The following MCRIP1 variants were observed in gnomAD, a reference collection of about 807,000 sequenced individuals.
MCRIP1 encodes mapk-regulated corepressor-interacting protein 1.
A neutral mutation model predicts 14.4 loss-of-function variants in MCRIP1; 10 were observed. That is an observed-to-expected ratio of 0.70 (90% CI 0.43 to 1.18). MCRIP1 has a LOEUF of 1.18. Ranked by LOEUF, MCRIP1 falls within the 50% of genes most tolerant of loss-of-function variation. The pLI, the probability that MCRIP1 is intolerant of heterozygous loss-of-function variation, is 0.00. For synonymous variants in MCRIP1, 53 were observed against 55.7 expected, an observed-to-expected ratio of 0.95 and a Z score of 0.21; for missense variants, 119 against 135.4, an observed-to-expected ratio of 0.88 and a Z score of 0.60.
chr17:81,830,406 G>A (rs925244541), intron 1 of MCRIP1, among the ~76,000 whole-genome samples: 37 of 152,334 alleles, frequency 2.4e-4, no homozygotes, highest in Admixed American at 2.4e-3. Flanking sequence ...GGAGGCTGAG[G>A]TGGGCAGATC....
intron 1 of MCRIP1, 25 bp from the exon 2 acceptor site, chr17:81,824,579 T>C (rs1242197981): frequency 1.3e-6 from 2 of 1,535,762 alleles, no homozygotes; most frequent in East Asian, 2.4e-5. Flanking sequence ...AGCGCAGGCA[T>C]GGGACGCAGG....
chr17:81,827,925 C>T (rs538038063), intron 1 of MCRIP1, among the ~76,000 whole-genome samples: 11 of 149,966 alleles, frequency 7.3e-5, no homozygotes, highest in South Asian at 2.1e-4. Context: ...GGACTATAGG[C>T]GCCCGCCACC....
rs544013875 is a variant in MCRIP1 at position 81,823,204 on chromosome 17, C to T, written c.*43G>A. 28 of 1,527,916 alleles carry T rather than the reference C, an allele frequency of 1.8e-5. No individual in the cohort carries two copies. In the South Asian group the frequency reaches 3.0e-4, roughly 16 times the overall value. The allele number at this position is 1,527,916 out of a possible 1,614,324, so 94.6% of individuals were successfully genotyped here. ...ACAGGACAGGAGGGAACCGACACCTCGCACCCTGATCTTCCGGAGGCCGGG... is the reference window on the plus strand; with the variant it reads ...ACAGGACAGGAGGGAACCGACACCTTGCACCCTGATCTTCCGGAGGCCGGG... On this transcript the variant is annotated 3_prime_UTR_variant, in exon 5 of 5. Coordinates refer to ENST00000455127, the MANE Select transcript of MCRIP1 (RefSeq NM_207368.5). The surrounding 1 kb of genome is among the most constrained non-coding windows in gnomAD (Gnocchi z 6.0).
At chr17:81,827,579 C>A (rs1308450690) in intron 1 of MCRIP1, among the ~76,000 whole-genome samples, 1 of 151,512 alleles carries the variant, frequency 6.6e-6, no homozygotes, top group African/African-American at 2.4e-5. Context: ...CCGGCAAAAT[C>A]CCATTTCTAC....
intron 1 of MCRIP1, among the ~76,000 whole-genome samples, chr17:81,830,068 G>A (rs141258868): frequency 0.03 from 4,538 of 152,148 alleles, 235 homozygotes; most frequent in African/African-American, 0.1. Flanking sequence ...TCTGCAGGAC[G>A]TGACTGCCTG....
rs924057096 is a variant in MCRIP1, at chr17:81,824,236, G to A, written c.127+51C>T. ...GCGTGGGTCCTGGGCTGGGGGCAGA[G>A]CTGACTCCGTCAAGGACAGGGCAGG... On this transcript the variant is annotated intron_variant, in intron 3 of 4. Coordinates refer to ENST00000455127, the MANE Select transcript of MCRIP1 (RefSeq NM_207368.5). 7 of 1,432,714 alleles carry A rather than the reference G, an allele frequency of 4.9e-6. No individual in the cohort carries two copies. In the Admixed American group the frequency reaches 1.4e-4, roughly 29 times the overall value. 88.8% of individuals were successfully genotyped at this position (1,432,714 alleles called of 1,614,324 possible). A position where few individuals can be genotyped will look rare whatever the true frequency, so the allele number is the denominator to read the frequency against.
At chr17:81,828,194 C>CACG (rs1161915245) in intron 1 of MCRIP1, among the ~76,000 whole-genome samples, 1 of 152,154 alleles carries the variant, frequency 6.6e-6, no homozygotes, top group African/African-American at 2.4e-5. Flanking sequence ...TCTTCCCAGA[C>CACG]ACGAAGAGCC....
Position 81,824,415 on chromosome 17 carries a change from C to T in MCRIP1, c.9-10G>A. ...TCTGGAGACGGGGGAGCTGGGGGAG[C>T]CTGGCGCATGAGACAGGGCACACAG... is the stretch of plus-strand genomic sequence containing the variant. On this transcript the variant is annotated splice_polypyrimidine_tract_variant and intron_variant, in intron 2 of 4. Transcript: ENST00000455127. The T allele has an allele frequency of 6.5e-7, 1 of 1,533,316 alleles. No homozygotes were observed. The highest frequency in any genetic ancestry group is 8.7e-7 in the Non-Finnish European group (1 of 1,144,642). 95.0% of individuals were successfully genotyped at this position (1,533,316 alleles called of 1,614,324 possible). A position where few individuals can be genotyped will look rare whatever the true frequency, so the allele number is the denominator to read the frequency against.
chr17:81,824,378 G>A lies in MCRIP1; in HGVS notation c.36C>T (p.Asn12=), dbSNP rs940424426. ...AGCGGGGGCTGCTGGTCCTCTTGCC[G>A]TTGTACACGACTCTGGAGACGGGGG... ...TSSPVSRVVY[N]GKRTSSPRSP... The change falls in exon 3 of 5, where the codon AAC becomes AAT. Residue 12 remains asparagine (N), a synonymous_variant. Coordinates refer to ENST00000455127, the MANE Select transcript of MCRIP1 (RefSeq NM_207368.5). The A allele has an allele frequency of 2.0e-5, 31 of 1,535,822 alleles. No individual in the cohort carries two copies. Among genetic ancestry groups the A allele is most frequent in the Admixed American group, 5.9e-5 (3 of 50,762 alleles).
chr17:81,831,362 C>T (rs1457952146), intron 1 of MCRIP1, among the ~76,000 whole-genome samples: 1 of 100,888 alleles, frequency 9.9e-6, no homozygotes, highest in African/African-American at 3.9e-5. Flanking sequence ...AAACAACAAA[C>T]AAACAAACAA....
Position 81,824,414 on chromosome 17 carries a change from G to C in MCRIP1, c.9-9C>G, listed in dbSNP as rs1414894064. 12 of 1,533,556 alleles carry C rather than the reference G, an allele frequency of 7.8e-6. No individual in the cohort carries two copies. The East Asian group carries it at 1.2e-4, about 16-fold the overall frequency. The allele number at this position is 1,533,556 out of a possible 1,614,324, so 95.0% of individuals were successfully genotyped here. A position where few individuals can be genotyped will look rare whatever the true frequency, so the allele number is the denominator to read the frequency against. On this transcript the variant is annotated splice_polypyrimidine_tract_variant and intron_variant, in intron 2 of 4. Coordinates refer to ENST00000455127, the MANE Select transcript of MCRIP1 (RefSeq NM_207368.5). ...CTCTGGAGACGGGGGAGCTGGGGGA[G>C]CCTGGCGCATGAGACAGGGCACACA... is the stretch of plus-strand genomic sequence containing the variant.
chr17:81,828,560 C>G (rs1358655333), intron 1 of MCRIP1, among the ~76,000 whole-genome samples: 1 of 152,216 alleles, frequency 6.6e-6, no homozygotes, highest in East Asian at 1.9e-4. Flanking sequence ...CGTAATTACC[C>G]AAAGGGAAGA....
intron 1 of MCRIP1, 43 bp from the exon 2 acceptor site, chr17:81,824,597 T>C (rs2038349644): frequency 6.5e-7 from 1 of 1,535,332 alleles, no homozygotes; most frequent in South Asian, 1.2e-5. Flanking sequence ...AGGGCCACCC[T>C]CTCCAGCACA....
chr17:81,825,000 G>C, intron 1 of MCRIP1: 1 of 1,049,080 alleles, frequency 9.5e-7, no homozygotes, highest in Non-Finnish European at 1.1e-6. Flanking sequence ...CCCTGGTGCA[G>C]GGCTGGGCAC....
At chr17:81,833,113 C>G (rs552621761) in intron 1 of MCRIP1, 125 bp downstream of exon 1, 3 of 147,454 alleles carry the variant, frequency 2.0e-5, no homozygotes, top group Non-Finnish European at 4.5e-5. Flanking sequence ...CCGGCCACTC[C>G]CCCGCGCCCG....
intron 1 of MCRIP1, chr17:81,826,483 ACTGC>A: frequency 1.1e-6 from 1 of 949,660 alleles, no homozygotes; most frequent in Non-Finnish European, 1.6e-6. Flanking sequence ...AGATCGTGGC[ACTGC>A]ACTCCAGCCC....
chr17:81,827,829 G>A (rs939987333), intron 1 of MCRIP1, among the ~76,000 whole-genome samples: 2 of 142,262 alleles, frequency 1.4e-5, no homozygotes, highest in African/African-American at 5.3e-5. Context: ...CGTCCAGGGT[G>A]GAGTGCAGTG....
Position 81,825,740 on chromosome 17 carries a change from G to A in MCRIP1, c.-48-1186C>T, listed in dbSNP as rs145225315. 5.7e-4 allele frequency: 739 copies of A among 1,289,354 alleles called. 5 individuals are homozygous for A. The African/African-American group carries it at 9.9e-3, about 17-fold the overall frequency. The allele number at this position is 1,289,354 out of a possible 1,614,324, so 79.9% of individuals were successfully genotyped here. A position where few individuals can be genotyped will look rare whatever the true frequency, so the allele number is the denominator to read the frequency against. Reference sequence around the variant, plus strand: ...CAGGAGTGAGGTCCAAAAAGGGCCAGGGGCTCCCCACCCACGGCAGCACCC... The same window carrying A: ...CAGGAGTGAGGTCCAAAAAGGGCCAAGGGCTCCCCACCCACGGCAGCACCC... On this transcript the variant is annotated intron_variant, in intron 1 of 4. Transcript: ENST00000455127.
chr17:81,826,942 A>G (rs1406404603), intron 1 of MCRIP1, among the ~76,000 whole-genome samples: 2 of 151,608 alleles, frequency 1.3e-5, no homozygotes, highest in East Asian at 3.9e-4. Context: ...ATATGGTGAA[A>G]CCCTGTCTCT....
Sources: gnomAD v4.1 joint callset for allele counts (sites outside exome capture counted in the v4.1 genomes callset) on GRCh38, gnomAD v4.1.1 for gene constraint, Gnocchi (gnomAD v3.1) non-coding constraint, MANE v1.5 for transcripts, NCBI Gene and HGNC (gene_info 2026-07-23, HGNC 2026-07-21) for gene names.